The following PPARGC1B variants were observed in gnomAD, a reference collection of about 807,000 sequenced individuals.
PPARGC1B encodes the protein peroxisome proliferator-activated receptor gamma coactivator 1-beta.
PPARGC1B carries 34 observed loss-of-function variants against 101.6 expected under a neutral mutation model. The ratio of observed to expected loss-of-function variants is 0.33; its 90% confidence interval spans 0.25 to 0.45. The LOEUF is 0.45. Ranked by LOEUF, PPARGC1B falls within the 20% of genes least tolerant of loss-of-function variation. The probability of loss-of-function intolerance (pLI) is 1.00; values close to 1 mark genes in which losing one functional copy is unlikely to be tolerated. For missense variants in PPARGC1B, 1,234 were observed against 1,317.6 expected (o/e 0.94, Z 0.98); for synonymous variants, 548 against 539.3 (o/e 1.02, Z -0.22).
In PPARGC1B at chr5:149,730,930, C is replaced by T. The variant is rs1044208145; in HGVS notation, c.78+510C>T. Among the ~76,000 whole-genome samples the T allele has an allele frequency of 1.3e-5, 2 of 152,250 alleles. No homozygotes were observed. The highest frequency in any genetic ancestry group is 2.4e-5 in the African/African-American group (1 of 41,468). On this transcript the variant is annotated intron_variant, in intron 1 of 11. Transcript: ENST00000309241. This position sits in a 1 kb window ranked among gnomAD's most constrained non-coding sequence, Gnocchi z 4.0. ...CCCCCCGCGGCTTTCTACCCGCGCCCGCAGCGCGGAGTTTCCTGCCAGTTG... is the reference window on the plus strand; with the variant it reads ...CCCCCCGCGGCTTTCTACCCGCGCCTGCAGCGCGGAGTTTCCTGCCAGTTG...
chr5:149,820,767 C>G (rs902986969), intron 2 of PPARGC1B, among the ~76,000 whole-genome samples, 161 bp downstream of exon 2: 2 of 152,196 alleles, frequency 1.3e-5, no homozygotes, highest in Admixed American at 6.5e-5. Flanking sequence ...TGGATGGGCC[C>G]CTGATCTGGC....
In PPARGC1B at chr5:149,749,824, G is replaced by A. The variant is rs374223908; in HGVS notation, c.78+19404G>A. Among the ~76,000 whole-genome samples, 7 of 152,190 alleles carry A rather than the reference G, an allele frequency of 4.6e-5. No homozygotes were observed. The South Asian group carries it at 1.2e-3, about 27-fold the overall frequency. Reference sequence around the variant, plus strand: ...CCTGTGACTCATTATCTTTCTAAACGTGAGCTGTTTTAAAGTGTCACAAGT... The same window carrying A: ...CCTGTGACTCATTATCTTTCTAAACATGAGCTGTTTTAAAGTGTCACAAGT... On this transcript the variant is annotated intron_variant, in intron 1 of 11. Transcript: ENST00000309241.
rs779073504 is a variant in PPARGC1B at position 149,836,990 on chromosome 5, C to T, written c.2535C>T (p.Asn845=). 6 of 1,613,962 alleles carry T rather than the reference C, an allele frequency of 3.7e-6. No homozygotes were observed. The East Asian group carries it at 1.3e-4, about 36-fold the overall frequency. ...CPYQSPPSKA[N]RQLCSRSRSS... is the part of the protein sequence containing the mutation. ...ACCAGAGCCCACCAAGCAAGGCCAA[C>T]CGGCAGCTCTGTTCCCGCAGCCGCT... The change falls in exon 8 of 12, where the codon AAC becomes AAT. Residue 845 remains asparagine (N), a synonymous_variant. Transcript: ENST00000309241.
chr5:149,792,942 A>G (rs1293457404), intron 1 of PPARGC1B, among the ~76,000 whole-genome samples: 1 of 151,924 alleles, frequency 6.6e-6, no homozygotes, highest in Non-Finnish European at 1.5e-5. Flanking sequence ...GGATCCCACA[A>G]AAGAAGTTTG....
At chr5:149,809,685 CTTAAA>C (rs1757770404) in intron 1 of PPARGC1B, among the ~76,000 whole-genome samples, 1 of 57,012 alleles carries the variant, frequency 1.8e-5, no homozygotes, top group Non-Finnish European at 3.1e-5. Context: ...GAGATCCTTT[CTTAAA>C]AAAAAAAAAA....
At position 149,775,135 on chromosome 5, in the gene PPARGC1B, A is replaced by C. The variant is rs564594237; in HGVS notation, c.78+44715A>C. Among the ~76,000 whole-genome samples the C allele has an allele frequency of 5.3e-5, 8 of 152,232 alleles. No homozygotes were observed. The East Asian group carries it at 1.5e-3, about 29-fold the overall frequency. On this transcript the variant is annotated intron_variant, in intron 1 of 11. Transcript: ENST00000309241. ...CTCCCTACTGTGGAGGCCTCCTGCC[A>C]GCCCCACATGGCTGAACTATCACCT...
intron 10 of PPARGC1B, among the ~76,000 whole-genome samples, chr5:149,843,865 A>G (rs1183634297): frequency 6.6e-6 from 1 of 152,244 alleles, no homozygotes; most frequent in African/African-American, 2.4e-5. Context: ...ACCTGACAAC[A>G]TTGTGCTGAG....
chr5:149,800,679 G>C (rs1355671839), intron 1 of PPARGC1B, among the ~76,000 whole-genome samples: 1 of 152,252 alleles, frequency 6.6e-6, no homozygotes, highest in African/African-American at 2.4e-5. Flanking sequence ...TCATGTGACA[G>C]ATGGGGCAGG....
chr5:149,732,115 T>C (rs1216943582), intron 1 of PPARGC1B, among the ~76,000 whole-genome samples: 2 of 152,052 alleles, frequency 1.3e-5, no homozygotes, highest in Non-Finnish European at 2.9e-5. Context: ...CCTTTACCTC[T>C]GACGAAACTG....
rs2113457197 is a variant in PPARGC1B at position 149,848,194 on chromosome 5, C to T, written c.*636C>T. ...GAAAGCGCGGCCTGCCGTTTCCGGG[C>T]CGTATCTGCCAAGCCCTGCCTTGTC... On this transcript the variant is annotated 3_prime_UTR_variant, in exon 12 of 12. Transcript: ENST00000309241. 6.5e-6 allele frequency: 1 copy of T among 152,908 alleles called. No individual in the cohort carries two copies. The highest frequency in any genetic ancestry group is 6.5e-5 in the Admixed American group (1 of 15,370). The allele number at this position is 152,908 out of a possible 1,614,324, so 9.5% of individuals were successfully genotyped here.
At position 149,832,943 on chromosome 5, in the gene PPARGC1B, C is replaced by T; in HGVS notation, c.870C>T (p.Leu290=). ...AAGACATGCAGGCGATGGTGCAACT[C>T]ATACGCTACATGCACACCTACTGCC... ...SQEDMQAMVQ[L]IRYMHTYCLP... The change falls in exon 5 of 12, where the codon CTC becomes CTT. Residue 290 remains leucine (L), a synonymous_variant. Transcript: ENST00000309241. This position sits in a 1 kb window ranked among gnomAD's most constrained non-coding sequence, Gnocchi z 4.9. 6.2e-7 allele frequency: 1 copy of T among 1,613,194 alleles called. No homozygotes were observed. The highest frequency in any genetic ancestry group is 8.5e-7 in the Non-Finnish European group (1 of 1,180,024).
chr5:149,776,016 C>A (rs28436023), intron 1 of PPARGC1B, among the ~76,000 whole-genome samples: 405 of 152,264 alleles, frequency 2.7e-3, no homozygotes, highest in Non-Finnish European at 4.4e-3. Context: ...ATCAAGAATA[C>A]ATAGACTGCC....
At chr5:149,787,610 C>T (rs1253467062) in intron 1 of PPARGC1B, among the ~76,000 whole-genome samples, 4 of 152,204 alleles carry the variant, frequency 2.6e-5, no homozygotes, top group African/African-American at 9.7e-5. Context: ...GTGGGGCCAG[C>T]TCTTAAGCAG....
intron 1 of PPARGC1B, among the ~76,000 whole-genome samples, chr5:149,746,208 G>A (rs1400145540): frequency 2.6e-5 from 4 of 152,182 alleles, no homozygotes; most frequent in Admixed American, 6.5e-5. Flanking sequence ...TGCCGGCAAC[G>A]CTCTTCCCAG....
At chr5:149,735,950 C>A (rs1465801565) in intron 1 of PPARGC1B, among the ~76,000 whole-genome samples, 1 of 152,148 alleles carries the variant, frequency 6.6e-6, no homozygotes, top group Non-Finnish European at 1.5e-5. Context: ...GTGGTGAAAC[C>A]CCGTCTCTAC....
chr5:149,818,772 T>C (rs1490822843), intron 1 of PPARGC1B: 1 of 454,690 alleles, frequency 2.2e-6, no homozygotes, highest in Non-Finnish European at 4.4e-6. Context: ...TTATTTGTTA[T>C]ATTACTCTTA....
intron 1 of PPARGC1B, among the ~76,000 whole-genome samples, chr5:149,812,128 A>G (rs892524960): frequency 5.3e-5 from 8 of 152,228 alleles, no homozygotes; most frequent in Non-Finnish European, 1.2e-4. Context: ...ATGCTTCCGC[A>G]CAGAAAGGGC....
At chr5:149,780,321 C>T (rs1390185059) in intron 1 of PPARGC1B, among the ~76,000 whole-genome samples, 7 of 152,238 alleles carry the variant, frequency 4.6e-5, no homozygotes, top group African/African-American at 1.7e-4. Context: ...CCCACGTTGG[C>T]TCTCCTGACC....
intron 2 of PPARGC1B, among the ~76,000 whole-genome samples, chr5:149,826,047 AC>A (rs1340646231): frequency 8.5e-5 from 13 of 152,334 alleles, no homozygotes; most frequent in Admixed American, 8.5e-4. Flanking sequence ...GAGAAAGCTA[AC>A]TTGCCTGAGA....
Sources: gnomAD v4.1 joint callset for allele counts (sites outside exome capture counted in the v4.1 genomes callset) on GRCh38, gnomAD v4.1.1 for gene constraint, Gnocchi (gnomAD v3.1) non-coding constraint, MANE v1.5 for transcripts, NCBI Gene and HGNC (gene_info 2026-07-23, HGNC 2026-07-21) for gene names.